THSD4: variants seen among roughly 807,000 people sequenced by gnomAD.
THSD4 encodes the protein thrombospondin type 1 domain containing 4.
A neutral mutation model predicts 119.0 loss-of-function variants in THSD4; 69 were observed. That is an observed-to-expected ratio of 0.58 (90% CI 0.48 to 0.71). The LOEUF (loss-of-function observed/expected upper bound fraction) is 0.71. THSD4 is among the 30% of genes least tolerant of loss of function. The pLI is 0.00. For synonymous variants in THSD4, 524 were observed against 540.4 expected, an observed-to-expected ratio of 0.97 and a Z score of 0.42; for missense variants, 1,393 against 1,391.1, an observed-to-expected ratio of 1.00 and a Z score of -0.02.
At chr15:71,302,231 C>T (rs2044960552) in intron 6 of THSD4, among the ~76,000 whole-genome samples, 1 of 152,132 alleles carries the variant, frequency 6.6e-6, no homozygotes, top group Non-Finnish European at 1.5e-5. Context: ...GCTTCTCATC[C>T]CAGGTTGGAG....
rs147127399 is a variant in THSD4 at position 71,145,184 on chromosome 15, C to A, written c.29+3628C>A. Reference sequence around the variant, plus strand: ...TGACCAGGTGCTTCTTCCTTTACTTCAAGGAGTGCTTTTGTATGGTTGACG... The same window carrying A: ...TGACCAGGTGCTTCTTCCTTTACTTAAAGGAGTGCTTTTGTATGGTTGACG... On this transcript the variant is annotated intron_variant, in intron 2 of 17. Transcript: ENST00000261862. Among the ~76,000 whole-genome samples, 748 of 152,214 alleles carry A rather than the reference C, an allele frequency of 4.9e-3. 3 individuals carry two copies. The highest frequency in any genetic ancestry group is 7.2e-3 in the Non-Finnish European group (488 of 68,028).
intron 6 of THSD4, among the ~76,000 whole-genome samples, chr15:71,389,955 C>T (rs1405921472): frequency 6.6e-6 from 1 of 151,838 alleles, no homozygotes; most frequent in Non-Finnish European, 1.5e-5. Flanking sequence ...CAGGCGCCCA[C>T]CACCACACCC....
chr15:71,602,716 G>GAA (rs1262514374), intron 7 of THSD4, among the ~76,000 whole-genome samples: 4 of 152,206 alleles, frequency 2.6e-5, no homozygotes, highest in African/African-American at 7.2e-5. Context: ...CAGGGGCTGG[G>GAA]AGTAGAAGGG....
In THSD4 at chr15:71,782,520, A is replaced by G. The variant is rs2054014109; in HGVS notation, c.*5146A>G. 6.6e-6 allele frequency: 1 copy of G among 152,206 alleles called. No individual in the cohort carries two copies. Among genetic ancestry groups the G allele is most frequent in the South Asian group, 2.1e-4 (1 of 4,834 alleles). The allele number at this position is 152,206 out of a possible 1,614,324, so 9.4% of individuals were successfully genotyped here. A position where few individuals can be genotyped will look rare whatever the true frequency, so the allele number is the denominator to read the frequency against. On this transcript the variant is annotated 3_prime_UTR_variant, in exon 18 of 18. Transcript: ENST00000261862. ...TGAGTCACTACACCAAAATAGTTCT[A>G]TTATTTAGAATGTGTTAATTTTAAA...
intron 7 of THSD4, among the ~76,000 whole-genome samples, chr15:71,494,941 G>T (rs2047987509): frequency 6.6e-6 from 1 of 152,206 alleles, no homozygotes; most frequent in Non-Finnish European, 1.5e-5. Context: ...CTCTGATGAG[G>T]TGCTGGTAGG....
At chr15:71,434,373 C>T (rs1441187019) in intron 7 of THSD4, among the ~76,000 whole-genome samples, 1 of 147,578 alleles carries the variant, frequency 6.8e-6, no homozygotes, top group African/African-American at 2.5e-5. Context: ...AACCTGCCCA[C>T]GAGTTTTGGA....
intron 7 of THSD4, among the ~76,000 whole-genome samples, chr15:71,412,289 T>C (rs2046700579): frequency 6.6e-6 from 1 of 152,142 alleles, no homozygotes; most frequent in Admixed American, 6.5e-5. Context: ...ATAGCAGAAG[T>C]TGTACTTTAA....
chr15:71,706,016 T>C (rs1473185924), intron 8 of THSD4, among the ~76,000 whole-genome samples: 1 of 152,154 alleles, frequency 6.6e-6, no homozygotes, highest in Non-Finnish European at 1.5e-5. Flanking sequence ...GAATTGCATC[T>C]AGAGAATCAT....
At chr15:71,753,170 A>G (rs1019030033) in intron 14 of THSD4, among the ~76,000 whole-genome samples, 2 of 152,206 alleles carry the variant, frequency 1.3e-5, no homozygotes, top group Non-Finnish European at 2.9e-5. Flanking sequence ...ACTTCTAGGG[A>G]CACAAAGTTT....
intron 3 of THSD4, among the ~76,000 whole-genome samples, chr15:71,155,666 T>C (rs2040769606): frequency 6.6e-6 from 1 of 152,060 alleles, no homozygotes; most frequent in Admixed American, 6.5e-5. Flanking sequence ...GCTTTTACCC[T>C]CTCTTGGGGC....
At chr15:71,565,135 G>T (rs1489836363) in intron 7 of THSD4, among the ~76,000 whole-genome samples, 1 of 152,204 alleles carries the variant, frequency 6.6e-6, no homozygotes, top group Non-Finnish European at 1.5e-5. Flanking sequence ...GATTTCTAGA[G>T]CTAACTCTCA....
chr15:71,293,535 T>C (rs945360907), intron 6 of THSD4, among the ~76,000 whole-genome samples: 1 of 152,156 alleles, frequency 6.6e-6, no homozygotes, highest in Non-Finnish European at 1.5e-5. Context: ...TTTTCCATCA[T>C]GAACCAGAGC....
intron 3 of THSD4, among the ~76,000 whole-genome samples, chr15:71,180,285 T>C (rs1466352123): frequency 6.6e-6 from 1 of 151,744 alleles, no homozygotes; most frequent in Admixed American, 6.6e-5. Context: ...TATAGAGAAC[T>C]TACAAAATTC....
chr15:71,360,105 C>T (rs558313376), intron 6 of THSD4, among the ~76,000 whole-genome samples: 13 of 152,092 alleles, frequency 8.5e-5, no homozygotes, highest in South Asian at 2.1e-4. Context: ...TGGATTCATC[C>T]GAAGGCTTCT....
chr15:71,487,747 A>T (rs1379091391), intron 7 of THSD4, among the ~76,000 whole-genome samples: 4 of 152,222 alleles, frequency 2.6e-5, no homozygotes, highest in African/African-American at 9.6e-5. Context: ...CATTTTAAAA[A>T]TTGACTTATA....
At chr15:71,255,428 G>A (rs2044304474) in intron 5 of THSD4, among the ~76,000 whole-genome samples, 1 of 152,166 alleles carries the variant, frequency 6.6e-6, no homozygotes, top group Non-Finnish European at 1.5e-5. Context: ...TAAGCCAGAG[G>A]GAGCAGTATG....
At chr15:71,460,260 A>C (rs1482451463) in intron 7 of THSD4, among the ~76,000 whole-genome samples, 1 of 152,090 alleles carries the variant, frequency 6.6e-6, no homozygotes, top group South Asian at 2.1e-4. Context: ...CATTCATAAA[A>C]ATATAGGTAG....
chr15:71,422,669 G>T (rs1191037832), intron 7 of THSD4, among the ~76,000 whole-genome samples: 1 of 152,110 alleles, frequency 6.6e-6, no homozygotes, highest in Non-Finnish European at 1.5e-5. Flanking sequence ...TCTTGCCCAA[G>T]GCCTGCCATA....
intron 7 of THSD4, among the ~76,000 whole-genome samples, chr15:71,633,302 G>T (rs1466402715): frequency 1.6e-5 from 2 of 127,978 alleles, no homozygotes; most frequent in African/African-American, 5.7e-5. Flanking sequence ...TGGAGACAGG[G>T]TCTCACTCTG....
Sources: gnomAD v4.1 joint callset for allele counts (sites outside exome capture counted in the v4.1 genomes callset) on GRCh38, gnomAD v4.1.1 for gene constraint, MANE v1.5 for transcripts, NCBI Gene and HGNC (gene_info 2026-07-23, HGNC 2026-07-21) for gene names.